The following SPTBN1 variants were observed in gnomAD, a reference collection of about 807,000 sequenced individuals.
SPTBN1 encodes the protein spectrin beta, non-erythrocytic 1.
SPTBN1 carries 32 observed loss-of-function variants against 266.4 expected under a neutral mutation model. The observed-to-expected ratio is 0.12, with a 90% CI of 0.09 to 0.16. The LOEUF (loss-of-function observed/expected upper bound fraction) is 0.16, where lower values mean the gene tolerates loss of function less well. SPTBN1 is among the 10% of genes least tolerant of loss of function. SPTBN1 has a pLI of 1.00. For synonymous variants in SPTBN1, 1,336 were observed against 1,162.2 expected (o/e 1.15, Z -3.04); for missense variants, 2,296 against 3,067.1 (o/e 0.75, Z 5.94).
At chr2:54,531,423 T>G (rs192022458) in intron 2 of SPTBN1, among the ~76,000 whole-genome samples, 2 of 152,278 alleles carry the variant, frequency 1.3e-5, no homozygotes, top group East Asian at 3.9e-4. Context: ...GGGTGTCAGC[T>G]GGTTTTCTTG....
intron 1 of SPTBN1, among the ~76,000 whole-genome samples, chr2:54,483,952 T>TG (rs1245581777): frequency 2.0e-5 from 3 of 151,988 alleles, no homozygotes; most frequent in African/African-American, 4.8e-5. Context: ...TCTAGCACTT[T>TG]GGGGGGCTGA....
intron 3 of SPTBN1, among the ~76,000 whole-genome samples, chr2:54,610,969 C>T (rs559711951): frequency 8.5e-5 from 13 of 152,184 alleles, no homozygotes; most frequent in South Asian, 6.2e-4. Context: ...AGGCACTCAA[C>T]AATACTTGAG....
At chr2:54,493,413 G>GGGGT (rs1553433737) in intron 1 of SPTBN1, among the ~76,000 whole-genome samples, 3 of 87,346 alleles carry the variant, frequency 3.4e-5, no homozygotes, top group African/African-American at 1.0e-4. Flanking sequence ...TTTCTTTTTT[G>GGGGT]GGGGGTTGGG....
Position 54,657,905 on chromosome 2 carries a change from T to C in SPTBN1, c.6102T>C (p.Leu2034=). 2 of 1,614,208 alleles carry C rather than the reference T, an allele frequency of 1.2e-6. No homozygotes were observed. The highest frequency in any genetic ancestry group is 1.7e-4 in the Middle Eastern group (1 of 6,056). ...RDASVAEAWL[L]GQEPYLSSRE... is the part of the protein sequence containing the mutation. ...CCAGTGTGGCCGAGGCCTGGCTGCT[T>C]GGACAGGAGCCGTACCTATCCAGCC... The change falls in exon 30 of 36, where the codon CTT becomes CTC. Residue 2034 remains leucine, a synonymous_variant. Coordinates refer to ENST00000356805, the MANE Select transcript of SPTBN1 (RefSeq NM_003128.3).
intron 1 of SPTBN1, among the ~76,000 whole-genome samples, chr2:54,526,129 C>G (rs7589236): frequency 0.8 from 122,114 of 152,224 alleles, 49,540 homozygotes; most frequent in African/African-American, 0.94. Context: ...GTCCTGTCAA[C>G]AACCTCTGAA....
chr2:54,598,755 TGGGAGAAAAGAAAG>T (rs1676271986), intron 2 of SPTBN1, among the ~76,000 whole-genome samples: 1 of 152,162 alleles, frequency 6.6e-6, no homozygotes, highest in Non-Finnish European at 1.5e-5. Flanking sequence ...TCAGCAGGGA[TGGGAGAAAAGAAAG>T]GGGAGCAAAG....
At chr2:54,529,742 C>A (rs779480019) in intron 2 of SPTBN1, 16 of 661,278 alleles carry the variant, frequency 2.4e-5, no homozygotes, top group Non-Finnish European at 4.2e-5. Context: ...GAGATGAAGG[C>A]ATATGTTCCA....
chr2:54,493,826 C>T (rs1242517015), intron 1 of SPTBN1, among the ~76,000 whole-genome samples: 2 of 152,158 alleles, frequency 1.3e-5, no homozygotes, highest in South Asian at 2.1e-4. Context: ...TACTTAATAG[C>T]CTCTTAAACT....
intron 8 of SPTBN1, 79 bp from the exon 9 acceptor site, chr2:54,622,221 T>C: frequency 5.2e-6 from 7 of 1,355,588 alleles, no homozygotes; most frequent in Non-Finnish European, 7.2e-6. Context: ...TTTGTGTGCA[T>C]GCACTCGTAT....
intron 2 of SPTBN1, among the ~76,000 whole-genome samples, chr2:54,573,039 T>C (rs1674197504): frequency 6.6e-6 from 1 of 152,196 alleles, no homozygotes; most frequent in African/African-American, 2.4e-5. Flanking sequence ...ATCTCAGCCA[T>C]TGTTGTCATT....
chr2:54,532,300 T>C (rs945556324), intron 2 of SPTBN1, among the ~76,000 whole-genome samples: 5 of 152,138 alleles, frequency 3.3e-5, no homozygotes, highest in Non-Finnish European at 7.3e-5. Context: ...AAAATAATAA[T>C]AGTTAGAATT....
chr2:54,658,212 AG>A (rs1680808562), intron 30 of SPTBN1, among the ~76,000 whole-genome samples, 166 bp downstream of exon 30: 1 of 152,120 alleles, frequency 6.6e-6, no homozygotes, highest in Non-Finnish European at 1.5e-5. Flanking sequence ...AGCAGGACCT[AG>A]GGAGAGGGTC....
At chr2:54,620,443 G>C (rs1256923374) in intron 7 of SPTBN1, among the ~76,000 whole-genome samples, 1 of 142,634 alleles carries the variant, frequency 7.0e-6, no homozygotes, top group African/African-American at 2.7e-5. Flanking sequence ...TAAGGAAGGC[G>C]TATTGGAAAT....
intron 5 of SPTBN1, among the ~76,000 whole-genome samples, chr2:54,617,127 G>A (rs1164820926): frequency 1.3e-5 from 2 of 152,204 alleles, no homozygotes; most frequent in Non-Finnish European, 2.9e-5. Flanking sequence ...ATTTTTCAGG[G>A]AGGTACTACT....
intron 3 of SPTBN1, among the ~76,000 whole-genome samples, chr2:54,604,572 C>T (rs1442315616): frequency 1.3e-5 from 2 of 152,124 alleles, no homozygotes; most frequent in East Asian, 1.9e-4. Context: ...AGGAATTGCC[C>T]AAGGCCATAC....
intron 2 of SPTBN1, among the ~76,000 whole-genome samples, chr2:54,568,094 A>G (rs1312882528): frequency 6.6e-6 from 1 of 152,174 alleles, no homozygotes; most frequent in Admixed American, 6.5e-5. Context: ...TTTAAGAAGC[A>G]CTGCTGGCAG....
chr2:54,485,410 C>A (rs989939792), intron 1 of SPTBN1, among the ~76,000 whole-genome samples: 2 of 152,236 alleles, frequency 1.3e-5, no homozygotes, highest in Non-Finnish European at 2.9e-5. Flanking sequence ...CCGGGCTGGT[C>A]TCCAGCTCCT....
At chr2:54,576,082 T>C (rs899321951) in intron 2 of SPTBN1, among the ~76,000 whole-genome samples, 25 of 128,548 alleles carry the variant, frequency 1.9e-4, no homozygotes, top group African/African-American at 7.0e-4. Flanking sequence ...TGAGAGACAG[T>C]CTGGCTGTGT....
chr2:54,497,398 A>T (rs1669025258), intron 1 of SPTBN1, among the ~76,000 whole-genome samples: 1 of 152,082 alleles, frequency 6.6e-6, no homozygotes. Context: ...AGCTCACTTG[A>T]GTACTTTCTT....
Sources: gnomAD v4.1 joint callset for allele counts (sites outside exome capture counted in the v4.1 genomes callset) on GRCh38, gnomAD v4.1.1 for gene constraint, MANE v1.5 for transcripts, NCBI Gene and HGNC (gene_info 2026-07-23, HGNC 2026-07-21) for gene names.